Variants in RNLS observed in about 807,000 individuals in gnomAD.
The protein encoded by RNLS is renalase, FAD dependent amine oxidase.
Under a neutral mutation model 39.8 loss-of-function variants are expected in RNLS, and 39 were observed. The ratio of observed to expected loss-of-function variants is 0.98; its 90% CI spans 0.76 to 1.28. The LOEUF (loss-of-function observed/expected upper bound fraction) is 1.28. RNLS is among the 50% of genes most tolerant of loss of function. The pLI is 0.00. For missense variants in RNLS, 410 were observed against 413.3 expected, an observed-to-expected ratio of 0.99 and a Z score of 0.07; for synonymous variants, 147 against 150.7, an observed-to-expected ratio of 0.98 and a Z score of 0.18.
intron 4 of RNLS, among the ~76,000 whole-genome samples, chr10:88,435,327 T>C (rs960700799): frequency 1.3e-5 from 2 of 152,072 alleles, no homozygotes; most frequent in African/African-American, 2.4e-5. Context: ...TCCTTTTCCT[T>C]TTATTTTAGA....
chr10:88,560,337 A>C (rs1298823850), intron 4 of RNLS, among the ~76,000 whole-genome samples: 1 of 151,882 alleles, frequency 6.6e-6, no homozygotes, highest in Non-Finnish European at 1.5e-5. Flanking sequence ...AAAAAAACCC[A>C]GTAATGATCT....
At chr10:88,562,854 T>C (rs1475686473) in intron 4 of RNLS, among the ~76,000 whole-genome samples, 2 of 152,126 alleles carry the variant, frequency 1.3e-5, no homozygotes, top group Non-Finnish European at 2.9e-5. Flanking sequence ...ACTCTCCTAT[T>C]GAAAGAAAGA....
At chr10:88,361,927 A>G (rs930884812) in intron 5 of RNLS, among the ~76,000 whole-genome samples, 3 of 152,222 alleles carry the variant, frequency 2.0e-5, no homozygotes, top group Non-Finnish European at 4.4e-5. Flanking sequence ...GGAATCAGTT[A>G]TGTTTTTCTT....
At chr10:88,411,142 A>G (rs1029734895) in intron 4 of RNLS, among the ~76,000 whole-genome samples, 1 of 152,140 alleles carries the variant, frequency 6.6e-6, no homozygotes, top group African/African-American at 2.4e-5. Context: ...CTGCACAGTC[A>G]ATTAGCCAAC....
At chr10:88,400,760 C>T (rs1589730185) in intron 4 of RNLS, among the ~76,000 whole-genome samples, 1 of 151,534 alleles carries the variant, frequency 6.6e-6, no homozygotes, top group Admixed American at 6.6e-5. Flanking sequence ...CAGGAACAGG[C>T]ATTTATTAAA....
chr10:88,304,622 A>G (rs1387192516), intron 6 of RNLS, among the ~76,000 whole-genome samples: 1 of 152,204 alleles, frequency 6.6e-6, no homozygotes, highest in African/African-American at 2.4e-5. Context: ...CTGAAATAAG[A>G]TGGTCAGGCA....
At chr10:88,522,741 G>C (rs1171261510) in intron 4 of RNLS, among the ~76,000 whole-genome samples, 2 of 151,956 alleles carry the variant, frequency 1.3e-5, no homozygotes, top group African/African-American at 4.8e-5. Flanking sequence ...TGAGAAAATT[G>C]GCCCCAAAGA....
intron 4 of RNLS, among the ~76,000 whole-genome samples, chr10:88,397,731 C>T (rs771678071): frequency 2.4e-4 from 37 of 151,712 alleles, no homozygotes; most frequent in Admixed American, 3.3e-4. Context: ...AATTAACAAG[C>T]TTATTTTAAA....
intron 3 of RNLS, among the ~76,000 whole-genome samples, chr10:88,581,351 C>T (rs745363592): frequency 6.8e-6 from 1 of 146,364 alleles, no homozygotes; most frequent in Non-Finnish European, 1.5e-5. Context: ...TAAATAGAGA[C>T]AGCCATGTAG....
the RNLS span, among the ~76,000 whole-genome samples, chr10:88,245,457 C>T: frequency 6.6e-6 from 1 of 152,166 alleles, no homozygotes; most frequent in African/African-American, 2.4e-5. Context: ...TGAGGTACAG[C>T]TTGGCTTTAT....
chr10:88,278,312 C>T (rs191561137), intron 6 of RNLS, among the ~76,000 whole-genome samples: 15 of 151,976 alleles, frequency 9.9e-5, no homozygotes, highest in African/African-American at 1.2e-4. Flanking sequence ...GATTATTTTC[C>T]GAAGGATAAA....
At chr10:88,223,870 C>T in the RNLS span, among the ~76,000 whole-genome samples, 1 of 152,152 alleles carries the variant, frequency 6.6e-6, no homozygotes, top group Non-Finnish European at 1.5e-5. Context: ...TTAACATCGT[C>T]TGGCCCCAAG....
intron 5 of RNLS, 115 bp from the exon 6 acceptor site, chr10:88,314,756 G>T: frequency 1.2e-6 from 1 of 831,186 alleles, no homozygotes. Flanking sequence ...ATAAATGGAG[G>T]AAAAACTTAT....
chr10:88,330,270 C>T lies in RNLS; in HGVS notation c.701-15629G>A, dbSNP rs1847016774. Among the ~76,000 whole-genome samples, 4 of 151,714 alleles carry T rather than the reference C, an allele frequency of 2.6e-5. No homozygotes were observed. The South Asian group carries it at 8.3e-4, about 32-fold the overall frequency. ...TTTGTGCCTGCATTTAAATAATGTT[C>T]CTTTGGAAACGTGCTTTGGTTTCTG... On this transcript the variant is annotated intron_variant, in intron 5 of 6. Coordinates refer to ENST00000331772, the MANE Select transcript of RNLS (RefSeq NM_001031709.3).
chr10:88,187,749 G>T, the RNLS span, among the ~76,000 whole-genome samples: 1 of 152,140 alleles, frequency 6.6e-6, no homozygotes, highest in Non-Finnish European at 1.5e-5. Flanking sequence ...ATACACATAG[G>T]ACTGAGATAA....
chr10:88,435,862 T>C (rs1855443304), intron 4 of RNLS, among the ~76,000 whole-genome samples: 1 of 152,200 alleles, frequency 6.6e-6, no homozygotes, highest in African/African-American at 2.4e-5. Flanking sequence ...ATGTTGTTGT[T>C]ACAGTCATAC....
At chr10:88,302,394 G>A (rs1368591956) in intron 6 of RNLS, among the ~76,000 whole-genome samples, 2 of 152,178 alleles carry the variant, frequency 1.3e-5, no homozygotes, top group African/African-American at 4.8e-5. Context: ...ACTTATCTTA[G>A]AAGGCTATGT....
intron 4 of RNLS, among the ~76,000 whole-genome samples, chr10:88,541,322 T>C (rs994510322): frequency 2.6e-5 from 4 of 152,220 alleles, no homozygotes; most frequent in Non-Finnish European, 4.4e-5. Flanking sequence ...TTCACTACTA[T>C]GTAAGTCATT....
intron 5 of RNLS, among the ~76,000 whole-genome samples, chr10:88,362,229 A>G (rs978205818): frequency 6.6e-6 from 1 of 152,220 alleles, no homozygotes; most frequent in Non-Finnish European, 1.5e-5. Context: ...AACTTCACCA[A>G]GAAACAAATG....
Sources: gnomAD v4.1 joint callset for allele counts (sites outside exome capture counted in the v4.1 genomes callset) on GRCh38, gnomAD v4.1.1 for gene constraint, MANE v1.5 for transcripts, NCBI Gene and HGNC (gene_info 2026-07-23, HGNC 2026-07-21) for gene names.